SLC9A9: variants seen among roughly 807,000 people sequenced by gnomAD.
SLC9A9 encodes the protein sodium/hydrogen exchanger 9.
SLC9A9 carries 62 observed loss-of-function variants against 77.8 expected under a neutral mutation model. The ratio of observed to expected loss-of-function variants is 0.80; its 90% CI spans 0.65 to 0.98. The LOEUF is 0.98. SLC9A9 is among the 50% of genes least tolerant of loss of function. The pLI is 0.00. For synonymous variants in SLC9A9, 320 were observed against 283.5 expected (o/e 1.13, Z -1.29); for missense variants, 775 against 774.9 (o/e 1.00, Z 0.00).
chr3:143,284,057 TG>T (rs1559851791), intron 14 of SLC9A9, among the ~76,000 whole-genome samples: 1 of 151,920 alleles, frequency 6.6e-6, no homozygotes, highest in African/African-American at 2.4e-5. Context: ...TTTTTTAATT[TG>T]GTAAGTCACA....
chr3:143,322,558 T>G (rs1011586673), intron 14 of SLC9A9, among the ~76,000 whole-genome samples: 27 of 152,164 alleles, frequency 1.8e-4, no homozygotes, highest in Admixed American at 2.0e-4. Flanking sequence ...CTATCTAATC[T>G]CATTGGTTCT....
intron 2 of SLC9A9, among the ~76,000 whole-genome samples, chr3:143,811,367 T>A (rs977029738): frequency 7.2e-5 from 11 of 152,122 alleles, no homozygotes; most frequent in Non-Finnish European, 7.4e-5. Context: ...ACTCTCAGAA[T>A]ACCTAATGAA....
At chr3:143,403,699 T>G (rs962635726) in intron 12 of SLC9A9, among the ~76,000 whole-genome samples, 1 of 152,228 alleles carries the variant, frequency 6.6e-6, no homozygotes, top group Non-Finnish European at 1.5e-5. Flanking sequence ...AAGTCAGATA[T>G]TCCTATTATT....
At chr3:143,831,869 C>G (rs1258484215) in intron 2 of SLC9A9, 150 bp downstream of exon 2, 1 of 706,510 alleles carries the variant, frequency 1.4e-6, no homozygotes, top group African/African-American at 1.8e-5. Flanking sequence ...CAGGGTTTGA[C>G]TCCTTAGTCA....
At chr3:143,311,113 A>G (rs2108437323) in intron 14 of SLC9A9, among the ~76,000 whole-genome samples, 1 of 152,298 alleles carries the variant, frequency 6.6e-6, no homozygotes, top group South Asian at 2.1e-4. Context: ...TCAATGGGAG[A>G]TAGTGGTCTT....
intron 6 of SLC9A9, among the ~76,000 whole-genome samples, chr3:143,648,417 T>G (rs536117151): frequency 6.6e-6 from 1 of 152,192 alleles, no homozygotes; most frequent in East Asian, 1.9e-4. Flanking sequence ...CACAATAGGG[T>G]TTGCGCTGCT....
intron 4 of SLC9A9, among the ~76,000 whole-genome samples, chr3:143,701,463 A>G (rs1322645728): frequency 1.3e-5 from 2 of 152,176 alleles, no homozygotes; most frequent in African/African-American, 4.8e-5. Context: ...AGAGATTGAA[A>G]TAATTAAAAA....
At chr3:143,362,602 T>C (rs1238572674) in intron 14 of SLC9A9, among the ~76,000 whole-genome samples, 1 of 151,894 alleles carries the variant, frequency 6.6e-6, no homozygotes, top group African/African-American at 2.4e-5. Flanking sequence ...CCTCTCCCAC[T>C]GATCTGTTGT....
At chr3:143,680,385 G>T (rs947109357) in intron 5 of SLC9A9, among the ~76,000 whole-genome samples, 2 of 152,026 alleles carry the variant, frequency 1.3e-5, no homozygotes, top group Non-Finnish European at 2.9e-5. Context: ...GTTTTTCATT[G>T]TTTAAAAAGT....
At chr3:143,402,849 T>C (rs1159150083) in intron 12 of SLC9A9, among the ~76,000 whole-genome samples, 6 of 145,354 alleles carry the variant, frequency 4.1e-5, no homozygotes, top group Non-Finnish European at 7.6e-5. Flanking sequence ...ATTGATATAG[T>C]TGGATTTACT....
At chr3:143,811,203 C>T (rs1469634909) in intron 2 of SLC9A9, among the ~76,000 whole-genome samples, 5 of 152,108 alleles carry the variant, frequency 3.3e-5, no homozygotes, top group African/African-American at 1.2e-4. Context: ...AAATCTGTAT[C>T]TGTTTTTAAT....
At chr3:143,581,334 T>C (rs912233600) in intron 6 of SLC9A9, among the ~76,000 whole-genome samples, 2 of 152,208 alleles carry the variant, frequency 1.3e-5, no homozygotes, top group East Asian at 3.9e-4. Context: ...TTAAGTTCCA[T>C]GGTGAGAATA....
At chr3:143,486,731 G>T (rs1350110986) in intron 11 of SLC9A9, among the ~76,000 whole-genome samples, 2 of 151,894 alleles carry the variant, frequency 1.3e-5, no homozygotes, top group Non-Finnish European at 2.9e-5. Flanking sequence ...TACAGCTTTA[G>T]GATCTTAAGT....
intron 12 of SLC9A9, among the ~76,000 whole-genome samples, chr3:143,426,934 A>C (rs1456618768): frequency 6.6e-6 from 1 of 152,218 alleles, no homozygotes; most frequent in East Asian, 1.9e-4. Context: ...TGTAAGTGGC[A>C]GAGCTGGGAT....
intron 4 of SLC9A9, among the ~76,000 whole-genome samples, chr3:143,705,544 T>A (rs999220904): frequency 6.6e-6 from 1 of 152,186 alleles, no homozygotes; most frequent in Non-Finnish European, 1.5e-5. Context: ...CATGCCTGTA[T>A]CAGTGAATCA....
At chr3:143,713,256 C>T (rs141597612) in intron 4 of SLC9A9, among the ~76,000 whole-genome samples, 151 of 152,286 alleles carry the variant, frequency 9.9e-4, no homozygotes, top group African/African-American at 3.4e-3. Flanking sequence ...ATACTAAATT[C>T]AGTGTATTCA....
At chr3:143,530,731 A>G (rs550716254) in intron 9 of SLC9A9, among the ~76,000 whole-genome samples, 1 of 152,258 alleles carries the variant, frequency 6.6e-6, no homozygotes, top group South Asian at 2.1e-4. Flanking sequence ...AGGAGACAAA[A>G]TCAGACAACT....
At chr3:143,708,934 G>A (rs143450041) in intron 4 of SLC9A9, among the ~76,000 whole-genome samples, 5 of 152,290 alleles carry the variant, frequency 3.3e-5, no homozygotes, top group South Asian at 2.1e-4. Flanking sequence ...GTGATAAAAG[G>A]TTCAGAGGAG....
At chr3:143,749,155 T>A (rs1157616722) in intron 4 of SLC9A9, among the ~76,000 whole-genome samples, 1 of 152,232 alleles carries the variant, frequency 6.6e-6, no homozygotes, top group Non-Finnish European at 1.5e-5. Context: ...TATATTTGCA[T>A]AATATTTTAA....
Sources: gnomAD v4.1 joint callset for allele counts (sites outside exome capture counted in the v4.1 genomes callset) on GRCh38, gnomAD v4.1.1 for gene constraint, MANE v1.5 for transcripts, NCBI Gene and HGNC (gene_info 2026-07-23, HGNC 2026-07-21) for gene names.